Variants in PAK5 observed in about 807,000 individuals in gnomAD.
PAK5 encodes p21 (RAC1) activated kinase 5, also known as serine/threonine-protein kinase PAK 5.
In PAK5, 16 loss-of-function variants were observed where a neutral mutation model predicts 65.9. The observed-to-expected ratio is 0.24, with a 90% CI of 0.16 to 0.37. The LOEUF (loss-of-function observed/expected upper bound fraction) is 0.37. Among genes scored for constraint, PAK5 ranks in the 10% least tolerant of loss-of-function variants. PAK5 has a pLI of 1.00. For missense variants in PAK5, 785 were observed against 903.9 expected, an observed-to-expected ratio of 0.87 and a Z score of 1.69; for synonymous variants, 371 against 354.9, an observed-to-expected ratio of 1.05 and a Z score of -0.51.
chr20:9,768,938 A>T (rs2048803139), intron 1 of PAK5, among the ~76,000 whole-genome samples: 2 of 152,166 alleles, frequency 1.3e-5, no homozygotes, highest in Non-Finnish European at 2.9e-5. Flanking sequence ...AAAAATTAAA[A>T]AATAAAAGCC....
intron 1 of PAK5, among the ~76,000 whole-genome samples, chr20:9,782,921 T>C (rs531687620): frequency 7.6e-6 from 1 of 132,306 alleles, no homozygotes; most frequent in Admixed American, 7.3e-5. Flanking sequence ...TTTCTCTTTC[T>C]TTCTTTTTTT....
chr20:9,599,751 T>A (rs1568990115), intron 3 of PAK5, among the ~76,000 whole-genome samples: 1 of 152,228 alleles, frequency 6.6e-6, no homozygotes, highest in Non-Finnish European at 1.5e-5. Context: ...ATATTCTGGG[T>A]ATTAATCCCT....
intron 2 of PAK5, among the ~76,000 whole-genome samples, chr20:9,662,353 A>G (rs2047357670): frequency 6.6e-6 from 1 of 152,138 alleles, no homozygotes; most frequent in African/African-American, 2.4e-5. Context: ...AACAGCAACA[A>G]AAGCTTCACA....
chr20:9,621,789 T>C (rs976978501), intron 3 of PAK5, among the ~76,000 whole-genome samples: 8 of 152,168 alleles, frequency 5.3e-5, no homozygotes, highest in Non-Finnish European at 1.0e-4. Flanking sequence ...GCCTGCGGTG[T>C]TATGCCTTTC....
chr20:9,739,225 TTTC>T (rs2048424045), intron 1 of PAK5, among the ~76,000 whole-genome samples: 3 of 78,812 alleles, frequency 3.8e-5, no homozygotes, highest in African/African-American at 1.3e-4. Context: ...CTTTCTTTGC[TTTC>T]TTTTTTTTTT....
chr20:9,785,759 TTC>T (rs2048986117), intron 1 of PAK5, among the ~76,000 whole-genome samples: 2 of 152,154 alleles, frequency 1.3e-5, no homozygotes, highest in East Asian at 3.9e-4. Context: ...TTTGATTAAT[TTC>T]ATCATGTGTT....
At chr20:9,544,334 C>T (rs757315731) in intron 8 of PAK5, 35 bp downstream of exon 8, 1 of 1,607,666 alleles carries the variant, frequency 6.2e-7, no homozygotes, top group Admixed American at 1.7e-5. Flanking sequence ...AGCCTGTCCC[C>T]AGTCCTGCCA....
At chr20:9,639,899 A>G (rs772436991) in intron 3 of PAK5, among the ~76,000 whole-genome samples, 3 of 152,214 alleles carry the variant, frequency 2.0e-5, no homozygotes, top group Non-Finnish European at 4.4e-5. Context: ...ATGTGTTACC[A>G]CTAAGATGAA....
At position 9,625,452 on chromosome 20, in the gene PAK5, A is replaced by G. The variant is rs1023995917; in HGVS notation, c.204+18673T>C. ...TAGTCCCCTCACATCTTCCCTTGCTACACCACGCCCATGGATGGTGTAGGG... is the reference window on the plus strand; with the variant it reads ...TAGTCCCCTCACATCTTCCCTTGCTGCACCACGCCCATGGATGGTGTAGGG... On this transcript the variant is annotated intron_variant, in intron 3 of 9. Transcript: ENST00000353224. Among the ~76,000 whole-genome samples, 4 of 152,226 alleles carry G rather than the reference A, an allele frequency of 2.6e-5. No individual in the cohort carries two copies. The East Asian group carries it at 7.7e-4, about 29-fold the overall frequency.
intron 1 of PAK5, among the ~76,000 whole-genome samples, chr20:9,753,625 C>T (rs2048601064): frequency 6.6e-6 from 1 of 152,094 alleles, no homozygotes; most frequent in Non-Finnish European, 1.5e-5. Context: ...ATATCCCTCT[C>T]CTAATCCCAT....
intron 3 of PAK5, among the ~76,000 whole-genome samples, chr20:9,621,392 G>A (rs1437342858): frequency 7.1e-6 from 1 of 141,660 alleles, no homozygotes; most frequent in Non-Finnish European, 1.6e-5. Context: ...ATTAAGTTCA[G>A]GGCAGGACTG....
At chr20:9,642,387 A>C (rs891336154) in intron 3 of PAK5, among the ~76,000 whole-genome samples, 2 of 152,098 alleles carry the variant, frequency 1.3e-5, no homozygotes, top group Non-Finnish European at 1.5e-5. Flanking sequence ...CTCTGCTTCC[A>C]TCTAGAATGT....
intron 3 of PAK5, among the ~76,000 whole-genome samples, chr20:9,596,635 CA>C (rs35576059): frequency 0.06 from 3,173 of 52,652 alleles, 7 homozygotes; most frequent in South Asian, 0.14. Flanking sequence ...GACTCCGTCT[CA>C]AAAAAAAAAA....
At position 9,744,395 on chromosome 20, in the gene PAK5, A is replaced by T. The variant is rs560957557; in HGVS notation, c.-161-32960T>A. Among the ~76,000 whole-genome samples, 113 of 152,336 alleles carry T rather than the reference A, an allele frequency of 7.4e-4. 1 individual carries two copies. Among genetic ancestry groups the T allele is most frequent in the Non-Finnish European group, 1.4e-3 (93 of 68,022 alleles). ...ATGCCTAATAGCTCATTCAACTGGC[A>T]AAACTGGCTTGTGCTCCTAATGTAA... is the stretch of plus-strand genomic sequence containing the variant. On this transcript the variant is annotated intron_variant, in intron 1 of 9. Coordinates refer to ENST00000353224, the MANE Select transcript of PAK5 (RefSeq NM_177990.4).
intron 3 of PAK5, among the ~76,000 whole-genome samples, chr20:9,604,547 T>A (rs771944154): frequency 6.6e-6 from 1 of 152,144 alleles, no homozygotes; most frequent in Non-Finnish European, 1.5e-5. Flanking sequence ...AAGCTATAGT[T>A]TAAGTGGAGG....
intron 1 of PAK5, among the ~76,000 whole-genome samples, chr20:9,728,162 G>A (rs949095146): frequency 1.3e-5 from 2 of 152,116 alleles, no homozygotes. Flanking sequence ...GCTTCAGAGA[G>A]CTGCTTTTGC....
intron 1 of PAK5, among the ~76,000 whole-genome samples, chr20:9,779,351 AAT>A (rs925864795): frequency 6.8e-5 from 7 of 103,474 alleles, no homozygotes; most frequent in Admixed American, 8.9e-5. Context: ...ACATTTGTCT[AAT>A]ATATATATAT....
At chr20:9,688,846 T>G (rs2047755433) in intron 2 of PAK5, among the ~76,000 whole-genome samples, 1 of 152,162 alleles carries the variant, frequency 6.6e-6, no homozygotes, top group Non-Finnish European at 1.5e-5. Context: ...AAATTCTAAC[T>G]TACATTTTTC....
intron 3 of PAK5, among the ~76,000 whole-genome samples, chr20:9,600,304 C>A (rs556781693): frequency 6.6e-6 from 1 of 152,174 alleles, no homozygotes; most frequent in African/African-American, 2.4e-5. Context: ...TAACATTGTT[C>A]TTTTTCAAGA....
Sources: allele counts gnomAD v4.1 joint callset (sites outside exome capture counted in the v4.1 genomes callset), GRCh38; gene constraint gnomAD v4.1.1; transcripts MANE v1.5; gene names NCBI Gene and HGNC (gene_info 2026-07-23, HGNC 2026-07-21).